SOX6: variants seen among roughly 807,000 people sequenced by gnomAD.
SOX6 encodes the protein transcription factor SOX-6.
SOX6 carries 11 observed loss-of-function variants against 97.8 expected under a neutral mutation model. That is an observed-to-expected ratio of 0.11 (90% CI 0.07 to 0.19). SOX6 has a LOEUF of 0.19. Ranked by LOEUF, SOX6 falls within the 10% of genes least tolerant of loss-of-function variation. SOX6 has a pLI of 1.00. For synonymous variants in SOX6, 360 were observed against 371.4 expected (o/e 0.97, Z 0.35); for missense variants, 810 against 1,039.5 (o/e 0.78, Z 3.04).
intron 4 of SOX6, among the ~76,000 whole-genome samples, chr11:16,497,874 C>A (rs987815853): frequency 6.6e-6 from 1 of 152,174 alleles, no homozygotes; most frequent in Non-Finnish European, 1.5e-5. Context: ...GAGAAGGGAA[C>A]CAAGTTGGAA....
At chr11:16,430,586 T>C (rs922264366) in intron 1 of SOX6, among the ~76,000 whole-genome samples, 10 of 152,130 alleles carry the variant, frequency 6.6e-5, no homozygotes, top group African/African-American at 2.2e-4. Flanking sequence ...CCTTTCCTCC[T>C]TGTGAGGTCA....
At chr11:16,679,697 C>T (rs1847911797) in intron 3 of SOX6, among the ~76,000 whole-genome samples, 1 of 152,122 alleles carries the variant, frequency 6.6e-6, no homozygotes, top group Non-Finnish European at 1.5e-5. Context: ...TCTAACCCAT[C>T]ACAAGGAAGT....
At chr11:16,567,088 A>G (rs1223242110) in intron 4 of SOX6, among the ~76,000 whole-genome samples, 1 of 152,226 alleles carries the variant, frequency 6.6e-6, no homozygotes, top group Non-Finnish European at 1.5e-5. Context: ...ACTTGGCACT[A>G]TAAGTAGAAA....
At chr11:16,108,470 A>G (rs1263689047) in intron 7 of SOX6, among the ~76,000 whole-genome samples, 2 of 152,088 alleles carry the variant, frequency 1.3e-5, no homozygotes, top group Non-Finnish European at 2.9e-5. Context: ...TTATCTTTTA[A>G]TTTTCTCCAA....
chr11:16,643,074 A>T (rs1443968584), intron 3 of SOX6, among the ~76,000 whole-genome samples: 3 of 152,040 alleles, frequency 2.0e-5, no homozygotes, highest in Non-Finnish European at 4.4e-5. Context: ...GATGATGGTG[A>T]CGTACAGATG....
chr11:16,681,082 T>G (rs919719194), intron 3 of SOX6, among the ~76,000 whole-genome samples: 4 of 152,060 alleles, frequency 2.6e-5, no homozygotes, highest in African/African-American at 9.7e-5. Flanking sequence ...TATCCAGGAC[T>G]TGAACTCAGC....
intron 3 of SOX6, chr11:16,316,756 A>C (rs1219326594): frequency 6.6e-6 from 1 of 152,136 alleles, no homozygotes; most frequent in East Asian, 1.9e-4. Flanking sequence ...GATCACAATT[A>C]AAAGTAATCT....
chr11:16,142,097 A>G (rs1850159202), intron 6 of SOX6, among the ~76,000 whole-genome samples: 1 of 151,994 alleles, frequency 6.6e-6, no homozygotes, highest in Admixed American at 6.6e-5. Context: ...ACTGGGAGGC[A>G]CCCCCAGTAG....
chr11:16,124,700 T>C (rs1387451959), intron 6 of SOX6, among the ~76,000 whole-genome samples: 2 of 152,004 alleles, frequency 1.3e-5, no homozygotes, highest in Non-Finnish European at 2.9e-5. Flanking sequence ...TAGGGCCTTG[T>C]AGAGCACAGT....
intron 1 of SOX6, among the ~76,000 whole-genome samples, chr11:16,397,184 C>T (rs987254517): frequency 3.3e-5 from 5 of 151,366 alleles, no homozygotes; most frequent in Non-Finnish European, 7.4e-5. Flanking sequence ...ATCATTTCTC[C>T]ATGCCCATTT....
intron 3 of SOX6, among the ~76,000 whole-genome samples, chr11:16,632,730 G>C (rs1042086153): frequency 6.6e-6 from 1 of 152,242 alleles, no homozygotes; most frequent in African/African-American, 2.4e-5. Flanking sequence ...TTTGGCACAG[G>C]AATGGGGTGC....
At chr11:16,249,208 G>A (rs1242213634) in intron 3 of SOX6, among the ~76,000 whole-genome samples, 7 of 151,864 alleles carry the variant, frequency 4.6e-5, no homozygotes, top group Non-Finnish European at 5.9e-5. Flanking sequence ...CTATCACATC[G>A]TTAGGCTGCA....
intron 15 of SOX6, among the ~76,000 whole-genome samples, chr11:15,973,320 A>G (rs1853373732): frequency 6.6e-6 from 1 of 152,206 alleles, no homozygotes; most frequent in Non-Finnish European, 1.5e-5. Flanking sequence ...AAACAATATG[A>G]TGGAGCAATT....
At chr11:16,541,689 T>C (rs948032301) in intron 4 of SOX6, among the ~76,000 whole-genome samples, 4 of 152,200 alleles carry the variant, frequency 2.6e-5, no homozygotes, top group African/African-American at 9.6e-5. Context: ...AAGACACTTA[T>C]GCAGCCAGCA....
chr11:16,252,046 C>G (rs997417212), intron 3 of SOX6, among the ~76,000 whole-genome samples: 7 of 151,966 alleles, frequency 4.6e-5, no homozygotes, highest in Admixed American at 1.3e-4. Context: ...CAGAAAACAT[C>G]ATTATTAATG....
intron 3 of SOX6, among the ~76,000 whole-genome samples, chr11:16,308,854 A>G (rs1484230113): frequency 6.6e-6 from 1 of 152,200 alleles, no homozygotes; most frequent in African/African-American, 2.4e-5. Context: ...AAGGAGGGCT[A>G]AAGACATTCA....
chr11:16,497,776 A>G (rs1292203106), intron 4 of SOX6, among the ~76,000 whole-genome samples: 2 of 152,216 alleles, frequency 1.3e-5, no homozygotes, highest in African/African-American at 4.8e-5. Context: ...AAAAAAGAAT[A>G]AAAACAAATG....
intron 4 of SOX6, among the ~76,000 whole-genome samples, chr11:16,526,425 T>C (rs570359473): frequency 1.2e-4 from 18 of 151,112 alleles, no homozygotes; most frequent in East Asian, 3.9e-4. Flanking sequence ...TAGGTGGGAA[T>C]TGAACAATGA....
At chr11:16,077,921 T>C (rs1349133795) in intron 9 of SOX6, among the ~76,000 whole-genome samples, 1 of 151,570 alleles carries the variant, frequency 6.6e-6, no homozygotes, top group Non-Finnish European at 1.5e-5. Flanking sequence ...GCAATCTATC[T>C]AAATAACAAA....
Sources: gnomAD v4.1 joint callset for allele counts (sites outside exome capture counted in the v4.1 genomes callset) on GRCh38, gnomAD v4.1.1 for gene constraint, MANE v1.5 for transcripts, NCBI Gene and HGNC (gene_info 2026-07-23, HGNC 2026-07-21) for gene names.